NRN1: variants seen among roughly 807,000 people sequenced by gnomAD.
NRN1 encodes neuritin.
In NRN1, 4 loss-of-function variants were observed where a neutral mutation model predicts 15.0. The observed-to-expected ratio is 0.27, with a 90% confidence interval of 0.13 to 0.61. NRN1 has a LOEUF of 0.61. Among genes scored for constraint, NRN1 ranks in the 20% least tolerant of loss-of-function variants. The probability of loss-of-function intolerance (pLI) is 0.87; values close to 1 mark genes in which losing one functional copy is unlikely to be tolerated. For missense variants in NRN1, 134 were observed against 181.9 expected (o/e 0.74, Z 1.51); for synonymous variants, 85 against 79.8 (o/e 1.07, Z -0.35).
Position 6,002,420 on chromosome 6 carries a change from G to T in NRN1, c.133C>A (p.Leu45Met). ...GGGTAGTTGGCCATGCTGTCGCCCA[G>T]CTTGAGCAAACAGTCCGAAAAGCCC... Reference protein sequence around the residue: ...FKGFSDCLLKLGDSMANYPQG... With the variant: ...FKGFSDCLLKMGDSMANYPQG... The change falls in exon 2 of 3, where the codon CTG becomes ATG. Residue 45 changes from leucine to methionine, a missense_variant. By Grantham distance (15) the Leu-to-Met change is conservative. Coordinates refer to ENST00000244766, the MANE Select transcript of NRN1 (RefSeq NM_016588.3). 6.2e-7 allele frequency: 1 copy of T among 1,614,216 alleles called. No individual in the cohort carries two copies. The highest frequency in any genetic ancestry group is 1.3e-5 in the African/African-American group (1 of 75,052).
intron 1 of NRN1, among the ~76,000 whole-genome samples, chr6:6,004,808 C>A (rs1454195076): frequency 6.6e-6 from 1 of 152,196 alleles, no homozygotes; most frequent in Admixed American, 6.5e-5. Context: ...TCTCTGCCGT[C>A]CCCTTCTTGT....
intron 1 of NRN1, among the ~76,000 whole-genome samples, chr6:6,005,606 A>G (rs1306664908): frequency 6.6e-6 from 1 of 152,198 alleles, no homozygotes; most frequent in Non-Finnish European, 1.5e-5. Context: ...CCAATTACCT[A>G]AAGCACCCCC....
chr6:6,005,192 T>G (rs1034054640), intron 1 of NRN1, among the ~76,000 whole-genome samples: 1 of 152,190 alleles, frequency 6.6e-6, no homozygotes, highest in Non-Finnish European at 1.5e-5. Context: ...GTCCCAAATC[T>G]TGTCCGATTA....
intron 1 of NRN1, chr6:6,003,874 G>A: frequency 4.1e-6 from 5 of 1,231,668 alleles, no homozygotes; most frequent in Non-Finnish European, 5.1e-6. Flanking sequence ...AATCCGCACT[G>A]GCGCCCACGA....
intron 2 of NRN1, among the ~76,000 whole-genome samples, 165 bp from the exon 3 acceptor site, chr6:5,999,369 G>C (rs368678173): frequency 2.6e-5 from 4 of 152,194 alleles, no homozygotes; most frequent in Non-Finnish European, 4.4e-5. Flanking sequence ...GCGCGAGGTC[G>C]GGACTCGCGG....
intron 1 of NRN1, among the ~76,000 whole-genome samples, 178 bp downstream of exon 1, chr6:6,006,517 T>C (rs1186003376): frequency 6.6e-6 from 1 of 152,164 alleles, no homozygotes; most frequent in African/African-American, 2.4e-5. Context: ...TCTATAGCTT[T>C]AGGAAAAACC....
chr6:6,003,933 T>C, intron 1 of NRN1: 10 of 1,228,004 alleles, frequency 8.1e-6, no homozygotes, highest in Non-Finnish European at 1.0e-5. Flanking sequence ...GCTGCGCTTG[T>C]GTGTGAATGT....
At position 6,006,793 on chromosome 6, in the gene NRN1, G is replaced by A. The variant is rs1334458599; in HGVS notation, c.-44C>T. 10 of 1,600,970 alleles carry A rather than the reference G, an allele frequency of 6.2e-6. No homozygotes were observed. Among genetic ancestry groups the A allele is most frequent in the Non-Finnish European group, 8.6e-6 (10 of 1,168,178 alleles). ...ATTTGCGACCGCAGACCTTTAAATA[G>A]TTAGTTTAGAGAACGCGGGGGAAAG... On this transcript the variant is annotated 5_prime_UTR_variant, in exon 1 of 3. Coordinates refer to ENST00000244766, the MANE Select transcript of NRN1 (RefSeq NM_016588.3).
In NRN1 at chr6:6,002,333, CG is replaced by C. The variant is rs778588411; in HGVS notation, c.200+19del. The C allele has an allele frequency of 6.2e-7, 1 of 1,611,586 alleles. No individual in the cohort carries two copies. Among genetic ancestry groups the C allele is most frequent in the South Asian group, 1.1e-5 (1 of 91,026 alleles). ...AGCGCCCCCAAAACCGAAGTCCAGCCGGCCAGAGAGGACACTTACGTGCACA... is the reference window on the plus strand; with the variant it reads ...AGCGCCCCCAAAACCGAAGTCCAGCCGCCAGAGAGGACACTTACGTGCACA... On this transcript the variant is annotated intron_variant, in intron 2 of 2. Transcript: ENST00000244766.
intron 1 of NRN1, among the ~76,000 whole-genome samples, chr6:6,004,243 T>G (rs1439914588): frequency 6.6e-6 from 1 of 152,202 alleles, no homozygotes; most frequent in Non-Finnish European, 1.5e-5. Context: ...ACTACAATAC[T>G]AACAAATCGA....
In NRN1 at chr6:5,998,101, CTTTTT is replaced by C. The variant is rs3834316; in HGVS notation, c.*870_*874del. 2.7e-5 allele frequency: 4 copies of C among 150,442 alleles called. No homozygotes were observed. The highest frequency in any genetic ancestry group is 2.1e-4 in the South Asian group (1 of 4,770). 9.3% of individuals were successfully genotyped at this position (150,442 alleles called of 1,614,324 possible). ...AACTTTTTAAATTACATCTCTCTCT[CTTTTT>C]TTTTTAAAATCAAGGCTCTTTTATG... On this transcript the variant is annotated 3_prime_UTR_variant, in exon 3 of 3. Transcript: ENST00000244766.
chr6:6,005,162 T>C (rs918299981), intron 1 of NRN1, among the ~76,000 whole-genome samples: 4 of 152,196 alleles, frequency 2.6e-5, no homozygotes, highest in African/African-American at 9.7e-5. Context: ...AGTAAGGTTA[T>C]TTCCTACCGG....
chr6:6,004,034 C>T, intron 1 of NRN1: 1 of 1,185,242 alleles, frequency 8.4e-7, no homozygotes, highest in Non-Finnish European at 1.0e-6. Context: ...AGGAAGGTGA[C>T]CGAACCCGTA....
intron 1 of NRN1, chr6:6,003,611 C>T (rs1758026935): frequency 2.4e-6 from 2 of 840,126 alleles, no homozygotes; most frequent in African/African-American, 1.8e-5. Flanking sequence ...GAGGAGGAAA[C>T]ACAGGCCGCA....
In NRN1 at chr6:5,998,059, GAATTT is replaced by G. The variant is rs1267245818; in HGVS notation, c.*912_*916del. 5 of 151,924 alleles carry G rather than the reference GAATTT, an allele frequency of 3.3e-5. No individual in the cohort carries two copies. The highest frequency in any genetic ancestry group is 1.3e-4 in the Admixed American group (2 of 15,270). The allele number at this position is 151,924 out of a possible 1,614,324, so 9.4% of individuals were successfully genotyped here. ...ACTTTGTAGCAAATCTTTTTTTGCT[GAATTT>G]AATTTATAATAAACTTTTTAAATTA... is the stretch of plus-strand genomic sequence containing the variant. On this transcript the variant is annotated 3_prime_UTR_variant, in exon 3 of 3. Coordinates refer to ENST00000244766, the MANE Select transcript of NRN1 (RefSeq NM_016588.3).
chr6:6,003,988 G>A, intron 1 of NRN1: 1 of 1,217,174 alleles, frequency 8.2e-7, no homozygotes, highest in Non-Finnish European at 1.0e-6. Context: ...CCCCAACGCG[G>A]GCGCCTGTCC....
chr6:6,000,058 C>A (rs528063688), intron 2 of NRN1, among the ~76,000 whole-genome samples: 313 of 152,348 alleles, frequency 2.1e-3, no homozygotes, highest in African/African-American at 7.4e-3. Context: ...TCTCCCTCCC[C>A]AGTCTTTTCC....
chr6:6,001,465 G>A (rs547347000), intron 2 of NRN1, among the ~76,000 whole-genome samples: 8 of 152,284 alleles, frequency 5.3e-5, no homozygotes, highest in Middle Eastern at 3.4e-3. Flanking sequence ...ACTGCAGTAG[G>A]GCTCTGCTGG....
intron 1 of NRN1, among the ~76,000 whole-genome samples, chr6:6,004,953 C>A (rs1266174405): frequency 6.7e-6 from 1 of 150,304 alleles, no homozygotes; most frequent in African/African-American, 2.4e-5. Context: ...TGCCAAATGT[C>A]AATGATTTGG....
Sources: gnomAD v4.1 joint callset for allele counts (sites outside exome capture counted in the v4.1 genomes callset) on GRCh38, gnomAD v4.1.1 for gene constraint, MANE v1.5 for transcripts, NCBI Gene and HGNC (gene_info 2026-07-23, HGNC 2026-07-21) for gene names.